Variants in KDM5B observed in about 807,000 individuals in gnomAD.
KDM5B encodes the protein lysine-specific demethylase 5B.
A neutral mutation model predicts 193.4 loss-of-function variants in KDM5B; 144 were observed. The observed-to-expected ratio is 0.74, with a 90% CI of 0.65 to 0.86. The LOEUF (loss-of-function observed/expected upper bound fraction) is 0.86, where lower values mean the gene tolerates loss of function less well. Ranked by LOEUF, KDM5B falls within the 40% of genes least tolerant of loss-of-function variation. The pLI is 0.00. For synonymous variants in KDM5B, 668 were observed against 682.6 expected (o/e 0.98, Z 0.33); for missense variants, 1,833 against 1,886.9 (o/e 0.97, Z 0.53).
intron 1 of KDM5B, among the ~76,000 whole-genome samples, chr1:202,787,700 T>C (rs1364304876): frequency 6.6e-6 from 1 of 151,642 alleles, no homozygotes; most frequent in Non-Finnish European, 1.5e-5. Flanking sequence ...CTGGCCAACG[T>C]AGTGAAACCC....
At chr1:202,773,452 ATTAATT>A (rs1197441864) in intron 3 of KDM5B, among the ~76,000 whole-genome samples, 164 bp from the exon 4 acceptor site, 3 of 152,102 alleles carry the variant, frequency 2.0e-5, no homozygotes, top group Non-Finnish European at 2.9e-5. Flanking sequence ...CACACACACT[ATTAATT>A]TTAAGTTAGA....
chr1:202,762,842 A>G (rs1185442624), intron 6 of KDM5B, 34 bp from the exon 7 acceptor site: 8 of 1,110,904 alleles, frequency 7.2e-6, no homozygotes, highest in Non-Finnish European at 1.1e-5. Context: ...GCTCTTTATG[A>G]TGCTTTTCTC....
At chr1:202,735,746 A>C (rs1572707546) in intron 21 of KDM5B, among the ~76,000 whole-genome samples, 159 bp from the exon 22 acceptor site, 1 of 152,218 alleles carries the variant, frequency 6.6e-6, no homozygotes, top group Non-Finnish European at 1.5e-5. Context: ...TCCTTTACAA[A>C]AGGAGGAGGA....
At chr1:202,756,834 T>G (rs1227384611) in intron 9 of KDM5B, among the ~76,000 whole-genome samples, 1 of 152,244 alleles carries the variant, frequency 6.6e-6, no homozygotes, top group African/African-American at 2.4e-5. Flanking sequence ...CGTATAGCAC[T>G]GTACAGTTGA....
chr1:202,737,334 A>T (rs1655133435), intron 20 of KDM5B, among the ~76,000 whole-genome samples: 1 of 152,214 alleles, frequency 6.6e-6, no homozygotes, highest in African/African-American at 2.4e-5. Context: ...AGTGGGTCAG[A>T]GGAAGGTCCA....
intron 1 of KDM5B, among the ~76,000 whole-genome samples, chr1:202,792,064 C>T (rs901182783): frequency 3.3e-5 from 5 of 152,124 alleles, no homozygotes; most frequent in Non-Finnish European, 7.3e-5. Context: ...ACAACCAACT[C>T]CAAGGACTCA....
intron 24 of KDM5B, 134 bp downstream of exon 24, chr1:202,731,694 A>G: frequency 1.5e-6 from 1 of 680,760 alleles, no homozygotes; most frequent in Non-Finnish European, 2.5e-6. Flanking sequence ...CCTATTTTGC[A>G]AATACATAAT....
chr1:202,756,259 G>A lies in KDM5B; in HGVS notation c.1356+99C>T, dbSNP rs1284018158. On this transcript the variant is annotated intron_variant, in intron 10 of 26. Coordinates refer to ENST00000367265, the MANE Select transcript of KDM5B (RefSeq NM_006618.5). ...CTTTTCTTGAAATCATTAAAAATCT[G>A]GTAATTAAGGATTTGCTAAAAGTAA... 16 of 948,048 alleles carry A rather than the reference G, an allele frequency of 1.7e-5. No homozygotes were observed. The Admixed American group carries it at 3.5e-4, about 21-fold the overall frequency. 58.7% of individuals were successfully genotyped at this position (948,048 alleles called of 1,614,324 possible). A position where few individuals can be genotyped will look rare whatever the true frequency, so the allele number is the denominator to read the frequency against.
At chr1:202,762,641 G>A (rs1316797770) in intron 7 of KDM5B, 58 bp downstream of exon 7, 1 of 994,224 alleles carries the variant, frequency 1.0e-6, no homozygotes, top group Non-Finnish European at 1.6e-6. Context: ...GGGGATTAAA[G>A]AAAGGAAGGG....
chr1:202,750,417 T>C lies in KDM5B; in HGVS notation c.1821+242A>G, dbSNP rs528845557. On this transcript the variant is annotated intron_variant, in intron 13 of 26. Transcript: ENST00000367265. Reference sequence around the variant, plus strand: ...CCTCAGCCTCCCAAGTAATTGGGATTACAGGCGCCCACCGCCACGCCTAAT... The same window carrying C: ...CCTCAGCCTCCCAAGTAATTGGGATCACAGGCGCCCACCGCCACGCCTAAT... 1.2e-4 allele frequency among the ~76,000 whole-genome samples: 18 copies of C among 152,016 alleles called. 1 individual carries two copies. The East Asian group carries it at 3.5e-3, about 29-fold the overall frequency.
intron 20 of KDM5B, 118 bp from the exon 21 acceptor site, chr1:202,736,510 T>C (rs1655102091): frequency 1.6e-6 from 1 of 644,398 alleles, no homozygotes; most frequent in Admixed American, 3.8e-5. Context: ...GATCTCAACA[T>C]GCTAAATTCA....
chr1:202,802,340 TCA>T (rs1658108884), intron 1 of KDM5B, among the ~76,000 whole-genome samples: 1 of 152,178 alleles, frequency 6.6e-6, no homozygotes, highest in Non-Finnish European at 1.5e-5. Context: ...TAAACAGGGT[TCA>T]TTTTTTTTAA....
At chr1:202,761,687 AAGAC>A (rs1378193800) in intron 7 of KDM5B, among the ~76,000 whole-genome samples, 1 of 152,182 alleles carries the variant, frequency 6.6e-6, no homozygotes, top group Non-Finnish European at 1.5e-5. Context: ...GACCATGTGA[AAGAC>A]AGCCATCCAC....
At position 202,759,435 on chromosome 1, in the gene KDM5B, GGAGGCT is replaced by G. The variant is rs555723119; in HGVS notation, c.1078-931_1078-926del. Among the ~76,000 whole-genome samples, 884 of 152,078 alleles carry G rather than the reference GGAGGCT, an allele frequency of 5.8e-3. 11 individuals carry two copies. Among genetic ancestry groups the G allele is most frequent in the African/African-American group, 0.021 (851 of 41,444 alleles). On this transcript the variant is annotated intron_variant, in intron 8 of 26. Coordinates refer to ENST00000367265, the MANE Select transcript of KDM5B (RefSeq NM_006618.5). ...GCAAGCCTGTAGTCCCAGCTACTTG[GGAGGCT>G]GAGACGGGAGGATCACTTGAGCTGG...
In KDM5B at chr1:202,745,950, A is replaced by G; in HGVS notation, c.2231T>C (p.Met744Thr). 6.2e-7 allele frequency: 1 copy of G among 1,613,894 alleles called. No homozygotes were observed. The highest frequency in any genetic ancestry group is 2.2e-5 in the East Asian group (1 of 44,884). Residue 744 changes from methionine to threonine, a missense_variant, in exon 16 of 27, where the codon ATG becomes ACG. Physicochemically the swap from Met to Thr is moderately conservative, Grantham distance 81 (BLOSUM62 -1). Around this residue, in one of 3 missense-constraint regions of KDM5B, gnomAD observed 1,379 missense variants for 1,349.6 expected, o/e 1.02. Coordinates refer to ENST00000367265, the MANE Select transcript of KDM5B (RefSeq NM_006618.5). The stretch of plus-strand genomic sequence containing the variant: ...TGCTCGAAGCTTCAATGCATTCATC[A>G]TAGGGTAGAGATCATCCAGCGTGTA... ...YRYTLDDLYP[M>T]MNALKLRAES...
Position 202,762,705 on chromosome 1 carries a change from G to C in KDM5B, c.912C>G (p.Thr304=). 2 of 1,558,972 alleles carry C rather than the reference G, an allele frequency of 1.3e-6. No individual in the cohort carries two copies. The highest frequency in any genetic ancestry group is 1.8e-6 in the Non-Finnish European group (2 of 1,129,988). Residue 304 remains threonine (T), a synonymous_variant, in exon 7 of 27, where the codon ACC becomes ACG. Transcript: ENST00000367265. ...EKPKSRSKKA[T]NAVDLYVCLL... ...AAAGGGAGATGTCACTCACAGCATT[G>C]GTGGCTTTTTTAGATCGACTCTTGG... is the stretch of plus-strand genomic sequence containing the variant.
intron 14 of KDM5B, 44 bp from the exon 15 acceptor site, chr1:202,746,367 A>G: frequency 7.3e-7 from 1 of 1,361,224 alleles, no homozygotes; most frequent in African/African-American, 1.4e-5. Flanking sequence ...AGGATAATAT[A>G]ATCCACCAGC....
At position 202,780,662 on chromosome 1, in the gene KDM5B, T is replaced by C. The variant is rs114075345; in HGVS notation, c.205-3568A>G. Among the ~76,000 whole-genome samples, 712 of 151,746 alleles carry C rather than the reference T, an allele frequency of 4.7e-3. 4 individuals carry two copies. Among genetic ancestry groups the C allele is most frequent in the African/African-American group, 0.015 (636 of 41,340 alleles). ...TCTACAACCAACAATAAAATACCAC[T>C]CAGCTATAATAAAAAATATCTAGAT... is the stretch of plus-strand genomic sequence containing the variant. On this transcript the variant is annotated intron_variant, in intron 1 of 26. Coordinates refer to ENST00000367265, the MANE Select transcript of KDM5B (RefSeq NM_006618.5).
chr1:202,766,461 G>A (rs1424639205), intron 5 of KDM5B: 11 of 403,734 alleles, frequency 2.7e-5, no homozygotes, highest in South Asian at 8.9e-5. Flanking sequence ...AGCCAAGATC[G>A]CGCCACTGCA....
Sources: gnomAD v4.1 joint callset for allele counts (sites outside exome capture counted in the v4.1 genomes callset) on GRCh38, gnomAD v4.1.1 for gene constraint, gnomAD v4.1.1 regional missense constraint, MANE v1.5 for transcripts, NCBI Gene and HGNC (gene_info 2026-07-23, HGNC 2026-07-21) for gene names.